KIF13A: variants seen among roughly 807,000 people sequenced by gnomAD.
KIF13A encodes kinesin-like protein KIF13A.
Under a neutral mutation model 212.2 loss-of-function variants are expected in KIF13A, and 79 were observed. That is an observed-to-expected ratio of 0.37 (90% CI 0.31 to 0.45). KIF13A has a LOEUF of 0.45. Among genes scored for constraint, KIF13A ranks in the 20% least tolerant of loss-of-function variants. The pLI is 1.00. For synonymous variants in KIF13A, 789 were observed against 808.6 expected, an observed-to-expected ratio of 0.98 and a Z score of 0.41; for missense variants, 1,901 against 2,209.0, an observed-to-expected ratio of 0.86 and a Z score of 2.79.
rs745838832 is a variant in KIF13A, at chr6:17,772,001, A to G, written c.4383T>C (p.Pro1461=). The part of the protein sequence containing the change: ...LTVSPFKAFS[P]QPPKFFKPLM... Reference sequence around the variant, plus strand: ...GGGGCTTGAAAAACTTTGGTGGCTGAGGAGAGAATGCTTTAAAAGGGCTGA... The same window carrying G: ...GGGGCTTGAAAAACTTTGGTGGCTGGGGAGAGAATGCTTTAAAAGGGCTGA... Residue 1461 remains proline (P), a synonymous_variant, in exon 37 of 39, where the codon CCT becomes CCC. Coordinates refer to ENST00000259711, the MANE Select transcript of KIF13A (RefSeq NM_022113.6). The surrounding 1 kb of genome is among the most constrained non-coding windows in gnomAD (Gnocchi z 4.8). 3.1e-6 allele frequency: 5 copies of G among 1,613,940 alleles called. No homozygotes were observed. The Admixed American group carries it at 8.3e-5, about 27-fold the overall frequency.
chr6:17,895,481 C>T lies in KIF13A; in HGVS notation c.159+2687G>A, dbSNP rs1434736717. On this transcript the variant is annotated intron_variant, in intron 3 of 38. Coordinates refer to ENST00000259711, the MANE Select transcript of KIF13A (RefSeq NM_022113.6). This position sits in a 1 kb window ranked among gnomAD's most constrained non-coding sequence, Gnocchi z 4.4. ...TGTGCTTGAGATTTCCTGGATCATACAAATGGCTTGGAACCACACAACAAT... is the reference window on the plus strand; with the variant it reads ...TGTGCTTGAGATTTCCTGGATCATATAAATGGCTTGGAACCACACAACAAT... 6.6e-6 allele frequency among the ~76,000 whole-genome samples: 1 copy of T among 152,180 alleles called. No individual in the cohort carries two copies. Among genetic ancestry groups the T allele is most frequent in the Non-Finnish European group, 1.5e-5 (1 of 68,020 alleles).
intron 3 of KIF13A, among the ~76,000 whole-genome samples, chr6:17,887,587 GT>G (rs1277739121): frequency 6.6e-6 from 1 of 152,236 alleles, no homozygotes; most frequent in South Asian, 2.1e-4. Flanking sequence ...CATTCTCCCA[GT>G]TTTTTAAAAC....
At chr6:17,814,109 C>T (rs1486557530) in intron 17 of KIF13A, among the ~76,000 whole-genome samples, 7 of 151,846 alleles carry the variant, frequency 4.6e-5, no homozygotes, top group African/African-American at 7.2e-5. Context: ...CCCGCCACCA[C>T]GCCCGGCTAA....
chr6:17,868,706 T>C (rs1380441610), intron 4 of KIF13A, among the ~76,000 whole-genome samples: 4 of 151,686 alleles, frequency 2.6e-5, no homozygotes, highest in African/African-American at 9.7e-5. Flanking sequence ...ATATTTCAAA[T>C]GTAAAATAAT....
chr6:17,894,164 GT>G (rs1772347279), intron 3 of KIF13A, among the ~76,000 whole-genome samples: 1 of 148,938 alleles, frequency 6.7e-6, no homozygotes, highest in Admixed American at 6.7e-5. Context: ...TTGAGACAGG[GT>G]TCTGTCGCCC....
At chr6:17,833,390 G>C (rs1272330876) in intron 12 of KIF13A, among the ~76,000 whole-genome samples, 1 of 151,828 alleles carries the variant, frequency 6.6e-6, no homozygotes, top group African/African-American at 2.4e-5. Context: ...AGCTACTTGG[G>C]GGGACTGAGG....
At chr6:17,879,020 A>C (rs1770820166) in intron 3 of KIF13A, among the ~76,000 whole-genome samples, 1 of 152,222 alleles carries the variant, frequency 6.6e-6, no homozygotes, top group African/African-American at 2.4e-5. Context: ...TTAAACATTT[A>C]CTAGGAAGAA....
At position 17,987,543 on chromosome 6, in the gene KIF13A, AGCCGCGCGCCCCTCGAGCGCGGCCG is replaced by A; in HGVS notation, c.-105_-81del. The stretch of plus-strand genomic sequence containing the variant: ...TCACGCGCGGCGCCGCCGCCGCTGC[AGCCGCGCGCCCCTCGAGCGCGGCCG>A]CCGCCGCTCCGCCGTGAGCTCCGAG... On this transcript the variant is annotated 5_prime_UTR_variant, in exon 1 of 39. The change abolishes the stop of an existing upstream ORF in the 5' untranslated region. Coordinates refer to ENST00000259711, the MANE Select transcript of KIF13A (RefSeq NM_022113.6). This position sits in a 1 kb window ranked among gnomAD's most constrained non-coding sequence, Gnocchi z 7.7. 2 of 777,514 alleles carry A rather than the reference AGCCGCGCGCCCCTCGAGCGCGGCCG, an allele frequency of 2.6e-6. No homozygotes were observed. The highest frequency in any genetic ancestry group is 3.2e-6 in the Non-Finnish European group (2 of 631,278). The allele number at this position is 777,514 out of a possible 1,614,324, so 48.2% of individuals were successfully genotyped here.
chr6:17,920,893 T>G (rs1335233731), intron 2 of KIF13A, among the ~76,000 whole-genome samples: 96 of 145,432 alleles, frequency 6.6e-4, no homozygotes, highest in South Asian at 2.2e-4. Context: ...AAAAAAAAAG[T>G]AATATGCATT....
chr6:17,953,056 G>C (rs2150573813), intron 2 of KIF13A, among the ~76,000 whole-genome samples: 1 of 152,212 alleles, frequency 6.6e-6, no homozygotes, highest in South Asian at 2.1e-4. Context: ...CTGGAGCACT[G>C]TTTACAGTGA....
chr6:17,843,277 T>G lies in KIF13A; in HGVS notation c.831-5694A>C, dbSNP rs887037321. On this transcript the variant is annotated intron_variant, in intron 9 of 38. Coordinates refer to ENST00000259711, the MANE Select transcript of KIF13A (RefSeq NM_022113.6). The surrounding 1 kb of genome is among the most constrained non-coding windows in gnomAD (Gnocchi z 5.3). ...AAAAGGACTAATTCAATGATGGTTT[T>G]GGGATACATCGAGTGCTACTTGCTA... Among the ~76,000 whole-genome samples the G allele has an allele frequency of 6.6e-6, 1 of 152,208 alleles. No individual in the cohort carries two copies. Among genetic ancestry groups the G allele is most frequent in the Non-Finnish European group, 1.5e-5 (1 of 68,032 alleles).
chr6:17,787,938 T>G lies in KIF13A; in HGVS notation c.3262-63A>C. The G allele has an allele frequency of 1.1e-6, 1 of 943,554 alleles. No individual in the cohort carries two copies. The highest frequency in any genetic ancestry group is 2.4e-5 in the East Asian group (1 of 41,598). The allele number at this position is 943,554 out of a possible 1,614,324, so 58.4% of individuals were successfully genotyped here. ...CACAGACAACGATTTCTTTCTTTCT[T>G]TTTTTAAAAGATGTTTAAATCAACT... On this transcript the variant is annotated intron_variant, in intron 26 of 38. Coordinates refer to ENST00000259711, the MANE Select transcript of KIF13A (RefSeq NM_022113.6). This position sits in a 1 kb window ranked among gnomAD's most constrained non-coding sequence, Gnocchi z 4.6.
chr6:17,827,592 A>G (rs1265544791), intron 14 of KIF13A, among the ~76,000 whole-genome samples: 1 of 150,978 alleles, frequency 6.6e-6, no homozygotes, highest in Non-Finnish European at 1.5e-5. Flanking sequence ...ACCATGGCTC[A>G]CTGTAGCCTC....
At position 17,982,380 on chromosome 6, in the gene KIF13A, G is replaced by A; in HGVS notation, c.146+4674C>T. 2.1e-6 allele frequency: 2 copies of A among 962,764 alleles called. No homozygotes were observed. The highest frequency in any genetic ancestry group is 1.2e-6 in the Non-Finnish European group (1 of 809,640). 59.6% of individuals were successfully genotyped at this position (962,764 alleles called of 1,614,324 possible). ...CCCAAAGTGCTGGGATTACAGATGTGAGCCACTGTGTCTGGCCCCCAGGAT... is the reference window on the plus strand; with the variant it reads ...CCCAAAGTGCTGGGATTACAGATGTAAGCCACTGTGTCTGGCCCCCAGGAT... On this transcript the variant is annotated intron_variant, in intron 2 of 38. Coordinates refer to ENST00000259711, the MANE Select transcript of KIF13A (RefSeq NM_022113.6). The surrounding 1 kb of genome is among the most constrained non-coding windows in gnomAD (Gnocchi z 5.1).
At chr6:17,827,080 AAT>A (rs200848583) in intron 14 of KIF13A, among the ~76,000 whole-genome samples, 92 of 145,108 alleles carry the variant, frequency 6.3e-4, no homozygotes, top group African/African-American at 1.8e-3. Context: ...TTAAAAAAAA[AAT>A]AAATAAATAA....
In KIF13A at chr6:17,764,327, G is replaced by A; in HGVS notation, c.5201C>T (p.Ser1734Phe). The A allele has an allele frequency of 6.2e-7, 1 of 1,613,982 alleles. No individual in the cohort carries two copies. Among genetic ancestry groups the A allele is most frequent in the Non-Finnish European group, 8.5e-7 (1 of 1,179,894 alleles). Reference sequence around the variant, plus strand: ...TGACACTCCCATAAATTCTGTGAAAGAATGGTCTTCAAGGATGTTGGTGGT... The same window carrying A: ...TGACACTCCCATAAATTCTGTGAAAAAATGGTCTTCAAGGATGTTGGTGGT... ...EHTTNILEDH[S>F]FTEFMGVSEG... Residue 1734 changes from serine to phenylalanine, a missense_variant, in exon 39 of 39, where the codon TCT becomes TTT. By Grantham distance (155) the Ser-to-Phe change is radical. Around this residue, in one of 5 missense-constraint regions of KIF13A, gnomAD observed 687 missense variants for 759.1 expected, o/e 0.90. Coordinates refer to ENST00000259711, the MANE Select transcript of KIF13A (RefSeq NM_022113.6). The surrounding 1 kb of genome is among the most constrained non-coding windows in gnomAD (Gnocchi z 5.1).
intron 2 of KIF13A, among the ~76,000 whole-genome samples, chr6:17,958,034 C>T (rs887914555): frequency 4.6e-5 from 7 of 152,188 alleles, no homozygotes; most frequent in African/African-American, 1.4e-4. Context: ...TCTCTAAAAG[C>T]TCTCACCAAA....
chr6:17,805,732 G>C, intron 18 of KIF13A, 117 bp from the exon 19 acceptor site: 1 of 896,232 alleles, frequency 1.1e-6, no homozygotes, highest in Non-Finnish European at 1.7e-6. Flanking sequence ...GCATACAAAA[G>C]AAGATAAAAT....
chr6:17,807,914 C>T (rs1581370151), intron 18 of KIF13A, among the ~76,000 whole-genome samples: 1 of 152,146 alleles, frequency 6.6e-6, no homozygotes, highest in Non-Finnish European at 1.5e-5. Flanking sequence ...GGCGGGTTCC[C>T]CTGATAAACA....
Sources: allele counts gnomAD v4.1 joint callset (sites outside exome capture counted in the v4.1 genomes callset), GRCh38; gene constraint gnomAD v4.1.1; regional missense constraint gnomAD v4.1.1; non-coding constraint Gnocchi (gnomAD v3.1); transcripts MANE v1.5; gene names NCBI Gene and HGNC (gene_info 2026-07-23, HGNC 2026-07-21).